ABCB11: variants seen among roughly 807,000 people sequenced by gnomAD.
ABCB11 encodes ATP binding cassette subfamily B member 11, also known as bile salt export pump.
ABCB11 carries 95 observed loss-of-function variants against 148.0 expected under a neutral mutation model. The observed-to-expected ratio is 0.64, with a 90% CI of 0.54 to 0.76. ABCB11 has a LOEUF of 0.76. Among genes scored for constraint, ABCB11 ranks in the 30% least tolerant of loss-of-function variants. ABCB11 has a pLI of 0.00. For synonymous variants in ABCB11, 591 were observed against 555.4 expected, an observed-to-expected ratio of 1.06 and a Z score of -0.90; for missense variants, 1,523 against 1,617.8, an observed-to-expected ratio of 0.94 and a Z score of 1.01.
chr2:168,969,952 C>CCAAACCAA, intron 15 of ABCB11, 93 bp downstream of exon 15: 1 of 541,486 alleles, frequency 1.8e-6, no homozygotes, highest in African/African-American at 1.9e-5. Context: ...ATCAACTACT[C>CCAAACCAA]CCATCCCTCC....
intron 1 of ABCB11, among the ~76,000 whole-genome samples, chr2:169,025,369 T>C (rs1695666291): frequency 6.6e-6 from 1 of 152,192 alleles, no homozygotes; most frequent in Admixed American, 6.5e-5. Flanking sequence ...GTGGTGGTGA[T>C]GGTGGTAAAA....
chr2:168,954,234 T>TG (rs397797304), intron 19 of ABCB11, among the ~76,000 whole-genome samples: 3 of 145,640 alleles, frequency 2.1e-5, no homozygotes, highest in South Asian at 2.4e-4. Context: ...CTGTTTTTTT[T>TG]GTCTTTGTAG....
chr2:168,973,736 G>A lies in ABCB11; in HGVS notation c.1413C>T (p.Phe471=). 1.2e-6 allele frequency: 2 copies of A among 1,612,090 alleles called. No homozygotes were observed. The highest frequency in any genetic ancestry group is 1.7e-6 in the Non-Finnish European group (2 of 1,178,540). Residue 471 remains phenylalanine, a synonymous_variant, in exon 13 of 28, where the codon TTC becomes TTT. Coordinates refer to ENST00000650372, the MANE Select transcript of ABCB11 (RefSeq NM_003742.4). The part of the protein sequence containing the change: ...KSTALQLIQR[F]YDPCEGMVTV... ...CCACCATTCCTTCACAGGGGTCATA[G>A]AATCGCTGAATGAGTTGCAGTGCTG...
At chr2:168,939,527 T>C (rs1325115167) in intron 21 of ABCB11, among the ~76,000 whole-genome samples, 2 of 152,132 alleles carry the variant, frequency 1.3e-5, no homozygotes, top group Non-Finnish European at 2.9e-5. Flanking sequence ...GTTTATCATT[T>C]GTTTATATAA....
rs374535231 is a variant in ABCB11, at chr2:168,986,180, G to A, written c.1013C>T (p.Ala338Val). The change falls in exon 10 of 28, where the codon GCA (alanine) becomes GTA (valine). Residue 338 changes from alanine (A) to valine (V), a missense_variant. Transcript: ENST00000650372. ...FVWCLIFLCY[A>V]LAFWYGSTLV... Reference sequence around the variant, plus strand: ...TGTGGAGCCGTACCAGAAGGCCAGTGCATAACACAAAAAGATGAGACACCA... The same window carrying A: ...TGTGGAGCCGTACCAGAAGGCCAGTACATAACACAAAAAGATGAGACACCA... 1.9e-6 allele frequency: 3 copies of A among 1,613,008 alleles called. No homozygotes were observed. Among genetic ancestry groups the A allele is most frequent in the Non-Finnish European group, 2.5e-6 (3 of 1,179,494 alleles).
intron 12 of ABCB11, among the ~76,000 whole-genome samples, chr2:168,975,828 G>A (rs896250508): frequency 4.0e-5 from 6 of 148,716 alleles, no homozygotes; most frequent in African/African-American, 1.5e-4. Flanking sequence ...TATATGATAG[G>A]TATGTGGTGT....
chr2:168,921,907 G>A lies in ABCB11; in HGVS notation c.*1715C>T, dbSNP rs1416143754. 6.8e-6 allele frequency among the ~76,000 whole-genome samples: 1 copy of A among 147,310 alleles called. No individual in the cohort carries two copies. The highest frequency in any genetic ancestry group is 1.5e-5 in the Non-Finnish European group (1 of 67,440). The stretch of plus-strand genomic sequence containing the variant: ...TCTGTCGCCCAGGCTGGAGTGCAGT[G>A]GCGCGATCTCGGCTCACTGCAAGCT... On this transcript the variant is annotated 3_prime_UTR_variant, in exon 28 of 28. Coordinates refer to ENST00000650372, the MANE Select transcript of ABCB11 (RefSeq NM_003742.4).
intron 14 of ABCB11, 38 bp downstream of exon 14, chr2:168,971,809 C>T (rs752938117): frequency 1.3e-6 from 2 of 1,590,010 alleles, no homozygotes; most frequent in Non-Finnish European, 1.7e-6. Context: ...CCTTCTATGA[C>T]CTCTTAGTTT....
At chr2:169,027,209 A>C (rs1028862392) in intron 1 of ABCB11, among the ~76,000 whole-genome samples, 1 of 152,228 alleles carries the variant, frequency 6.6e-6, no homozygotes, top group African/African-American at 2.4e-5. Flanking sequence ...GGCATTCCAG[A>C]AAAATGTATT....
At chr2:168,998,873 A>G (rs1694794043) in intron 5 of ABCB11, among the ~76,000 whole-genome samples, 1 of 152,084 alleles carries the variant, frequency 6.6e-6, no homozygotes, top group Admixed American at 6.6e-5. Flanking sequence ...TTCTGGGAAG[A>G]AGAGGTGATT....
intron 23 of ABCB11, among the ~76,000 whole-genome samples, chr2:168,933,434 T>C (rs754142112): frequency 9.2e-5 from 14 of 152,112 alleles, no homozygotes; most frequent in South Asian, 2.1e-4. Context: ...ATGATAAATA[T>C]AATGAGAGAT....
rs150066047 is a variant in ABCB11 at position 168,976,778 on chromosome 2, G to A, written c.1198-91C>T. Reference sequence around the variant, plus strand: ...GTAAATTCAAATAAACATCTTTGGCGTATCTCTGCAATGTTTTATCTGGTT... The same window carrying A: ...GTAAATTCAAATAAACATCTTTGGCATATCTCTGCAATGTTTTATCTGGTT... On this transcript the variant is annotated intron_variant, in intron 11 of 27. Coordinates refer to ENST00000650372, the MANE Select transcript of ABCB11 (RefSeq NM_003742.4). 2,305 of 751,430 alleles carry A rather than the reference G, an allele frequency of 3.1e-3. 34 individuals are homozygous for A. In the African/African-American group the frequency reaches 0.034, roughly 11 times the overall value. 46.5% of individuals were successfully genotyped at this position (751,430 alleles called of 1,614,324 possible). A position where few individuals can be genotyped will look rare whatever the true frequency, so the allele number is the denominator to read the frequency against.
chr2:168,970,135 G>A lies in ABCB11; in HGVS notation c.1719C>T (p.Leu573=). The change falls in exon 15 of 28, where the codon CTC becomes CTT. Residue 573 remains leucine (L), a synonymous_variant. Transcript: ENST00000650372. ...AAAGCAGAATCTTGGGATTTCGGAT[G>A]AGGGCTCTGGCGATAGCTACCCTTT... ...QKQRVAIARA[L]IRNPKILLLD... 1 of 1,612,986 alleles carries A rather than the reference G, an allele frequency of 6.2e-7. No individual in the cohort carries two copies. Among genetic ancestry groups the A allele is most frequent in the Non-Finnish European group, 8.5e-7 (1 of 1,179,306 alleles).
chr2:168,995,797 A>C (rs1462242801), intron 6 of ABCB11, among the ~76,000 whole-genome samples: 1 of 151,884 alleles, frequency 6.6e-6, no homozygotes, highest in Non-Finnish European at 1.5e-5. Context: ...CAGCACCAAA[A>C]ATAAGGCATT....
chr2:169,003,046 A>G (rs1694919973), intron 5 of ABCB11, among the ~76,000 whole-genome samples: 1 of 151,900 alleles, frequency 6.6e-6, no homozygotes. Flanking sequence ...AGATTTTAGA[A>G]TGGTGCACCC....
intron 24 of ABCB11, 120 bp from the exon 25 acceptor site, chr2:168,930,982 T>C (rs1691545653): frequency 5.9e-6 from 5 of 850,562 alleles, no homozygotes; most frequent in Non-Finnish European, 9.0e-6. Flanking sequence ...GCTGCCAAAG[T>C]GCAAAGTATA....
chr2:168,958,746 T>C (rs1318673748), intron 18 of ABCB11, among the ~76,000 whole-genome samples: 5 of 151,824 alleles, frequency 3.3e-5, no homozygotes, highest in South Asian at 4.1e-4. Context: ...GCATTTCTCT[T>C]TAGTTGCCAT....
intron 5 of ABCB11, among the ~76,000 whole-genome samples, chr2:169,005,327 A>G (rs1275134558): frequency 6.6e-6 from 1 of 151,912 alleles, no homozygotes; most frequent in Non-Finnish European, 1.5e-5. Context: ...AGGGGCAGGG[A>G]TAGGCGCCTC....
intron 5 of ABCB11, among the ~76,000 whole-genome samples, chr2:169,012,365 C>T (rs1423888084): frequency 6.6e-6 from 1 of 152,124 alleles, no homozygotes; most frequent in African/African-American, 2.4e-5. Flanking sequence ...TCACTGATTA[C>T]AAGGTGGCCT....
Sources: gnomAD v4.1 joint callset for allele counts (sites outside exome capture counted in the v4.1 genomes callset) on GRCh38, gnomAD v4.1.1 for gene constraint, MANE v1.5 for transcripts, NCBI Gene and HGNC (gene_info 2026-07-23, HGNC 2026-07-21) for gene names.